Variants in SV2B observed in about 807,000 individuals in gnomAD.
SV2B encodes the protein solute carrier family 22 member B2.
A neutral mutation model predicts 73.9 loss-of-function variants in SV2B; 41 were observed. The ratio of observed to expected loss-of-function variants is 0.56; its 90% CI spans 0.43 to 0.72. The LOEUF (loss-of-function observed/expected upper bound fraction) is 0.72. SV2B is among the 30% of genes least tolerant of loss of function. The probability of loss-of-function intolerance (pLI) is 0.00; values close to 1 mark genes in which losing one functional copy is unlikely to be tolerated. For missense variants in SV2B, 764 were observed against 857.8 expected (o/e 0.89, Z 1.37); for synonymous variants, 314 against 314.2 (o/e 1.00, Z 0.01).
intron 1 of SV2B, among the ~76,000 whole-genome samples, chr15:91,187,328 T>C (rs2044811674): frequency 6.6e-6 from 1 of 152,250 alleles, no homozygotes; most frequent in African/African-American, 2.4e-5. Context: ...TAAATGTTTC[T>C]CAGTAAGAGA....
chr15:91,192,684 G>C (rs1390547295), intron 1 of SV2B, among the ~76,000 whole-genome samples: 1 of 152,192 alleles, frequency 6.6e-6, no homozygotes, highest in Admixed American at 6.5e-5. Flanking sequence ...GGGAAGGCAG[G>C]TGACATTTTC....
At chr15:91,151,239 A>G (rs2043305729) in intron 1 of SV2B, among the ~76,000 whole-genome samples, 2 of 152,266 alleles carry the variant, frequency 1.3e-5, no homozygotes, top group African/African-American at 4.8e-5. Flanking sequence ...ATCTGAAGAG[A>G]AAAACCATGT....
intron 1 of SV2B, among the ~76,000 whole-genome samples, chr15:91,182,436 G>C (rs566928947): frequency 1.3e-5 from 2 of 152,214 alleles, no homozygotes; most frequent in Non-Finnish European, 2.9e-5. Flanking sequence ...TCAAAATCTA[G>C]ATGTTCCTAT....
At chr15:91,225,718 C>T (rs751706981) in intron 1 of SV2B, among the ~76,000 whole-genome samples, 155 bp from the exon 2 acceptor site, 50 of 152,160 alleles carry the variant, frequency 3.3e-4, no homozygotes, top group Non-Finnish European at 4.4e-4. Flanking sequence ...ATTCAATCCT[C>T]ATTCAGTTGA....
intron 2 of SV2B, among the ~76,000 whole-genome samples, chr15:91,237,691 C>CTG (rs1323961614): frequency 6.6e-6 from 1 of 152,104 alleles, no homozygotes; most frequent in African/African-American, 2.4e-5. Flanking sequence ...AAGACAAAGA[C>CTG]TGTGTATCAG....
rs915374576 is a variant in SV2B at position 91,290,164 on chromosome 15, C to G, written c.1868+484C>G. On this transcript the variant is annotated intron_variant, in intron 12 of 12. Transcript: ENST00000394232. This position sits in a 1 kb window ranked among gnomAD's most constrained non-coding sequence, Gnocchi z 4.7. ...TGCACAGGTCGTATATGGGAAGAGG[C>G]CTTGTTTAAAGGCATAGGATCAAGG... Among the ~76,000 whole-genome samples, 4 of 152,006 alleles carry G rather than the reference C, an allele frequency of 2.6e-5. No individual in the cohort carries two copies. Among genetic ancestry groups the G allele is most frequent in the African/African-American group, 9.7e-5 (4 of 41,374 alleles).
At position 91,252,526 on chromosome 15, in the gene SV2B, T is replaced by C. The variant is rs767577243; in HGVS notation, c.784+6T>C. On this transcript the variant is annotated splice_donor_region_variant and intron_variant, in intron 4 of 12. Coordinates refer to ENST00000394232, the MANE Select transcript of SV2B (RefSeq NM_001323032.3). This position sits in a 1 kb window ranked among gnomAD's most constrained non-coding sequence, Gnocchi z 4.6. The stretch of plus-strand genomic sequence containing the variant: ...GAGCATCATCCCACACTATGGTGAG[T>C]CATGGCTCCAAACAGCCTAGGGGGC... 1 of 1,599,090 alleles carries C rather than the reference T, an allele frequency of 6.3e-7. No individual in the cohort carries two copies. Among genetic ancestry groups the C allele is most frequent in the Non-Finnish European group, 8.5e-7 (1 of 1,172,256 alleles).
At chr15:91,168,693 G>A (rs1021281032) in intron 1 of SV2B, among the ~76,000 whole-genome samples, 16 of 152,148 alleles carry the variant, frequency 1.1e-4, no homozygotes, top group South Asian at 4.2e-4. Context: ...ACTCACTGCT[G>A]TATTGGTTGT....
chr15:91,121,055 T>C lies in SV2B; in HGVS notation c.-392+20692T>C, dbSNP rs915207129. 4.6e-5 allele frequency among the ~76,000 whole-genome samples: 7 copies of C among 152,204 alleles called. No individual in the cohort carries two copies. Among genetic ancestry groups the C allele is most frequent in the African/African-American group, 1.7e-4 (7 of 41,448 alleles). On this transcript the variant is annotated intron_variant, in intron 1 of 12. Transcript: ENST00000394232. This position sits in a 1 kb window ranked among gnomAD's most constrained non-coding sequence, Gnocchi z 4.4. Reference sequence around the variant, plus strand: ...CCTCGCTTAAGATTTTTGCAAATTGTTTCCCATGGTTTAAGGTGGCAGAGA... The same window carrying C: ...CCTCGCTTAAGATTTTTGCAAATTGCTTCCCATGGTTTAAGGTGGCAGAGA...
chr15:91,182,418 C>T lies in SV2B; in HGVS notation c.-391-43455C>T, dbSNP rs12594981. The stretch of plus-strand genomic sequence containing the variant: ...ATGAATAACTAAAGAAAAGGTAGCT[C>T]AAAAAGCTCAAAATCTAGATGTTCC... On this transcript the variant is annotated intron_variant, in intron 1 of 12. Transcript: ENST00000394232. Among the ~76,000 whole-genome samples, 28 of 152,278 alleles carry T rather than the reference C, an allele frequency of 1.8e-4. No individual in the cohort carries two copies. The East Asian group carries it at 5.2e-3, about 28-fold the overall frequency.
intron 1 of SV2B, among the ~76,000 whole-genome samples, chr15:91,200,716 C>T (rs1046960338): frequency 1.3e-5 from 2 of 151,976 alleles, no homozygotes; most frequent in Admixed American, 6.6e-5. Flanking sequence ...TGATACCAGA[C>T]GGGGCAGCAT....
Position 91,117,074 on chromosome 15 carries a change from A to G in SV2B, c.-392+16711A>G, listed in dbSNP as rs375491597. On this transcript the variant is annotated intron_variant, in intron 1 of 12. Transcript: ENST00000394232. ...GTGGGGACACAGGCAAACGATATCAATAGTCACAATGGTTTTGAGCCTGAG... is the reference window on the plus strand; with the variant it reads ...GTGGGGACACAGGCAAACGATATCAGTAGTCACAATGGTTTTGAGCCTGAG... 2.0e-4 allele frequency among the ~76,000 whole-genome samples: 31 copies of G among 152,324 alleles called. No homozygotes were observed. In the East Asian group the frequency reaches 2.5e-3, roughly 12 times the overall value.
In SV2B at chr15:91,141,626, A is replaced by G. The variant is rs1031361291; in HGVS notation, c.-392+41263A>G. Among the ~76,000 whole-genome samples the G allele has an allele frequency of 2.6e-5, 4 of 152,194 alleles. No individual in the cohort carries two copies. The highest frequency in any genetic ancestry group is 9.7e-5 in the African/African-American group (4 of 41,442). ...TGTGAAGATTAAATGACAGAATATA[A>G]GTAAAATGCTTAGCCTATTGCCTGG... is the stretch of plus-strand genomic sequence containing the variant. On this transcript the variant is annotated intron_variant, in intron 1 of 12. Coordinates refer to ENST00000394232, the MANE Select transcript of SV2B (RefSeq NM_001323032.3). The surrounding 1 kb of genome is among the most constrained non-coding windows in gnomAD (Gnocchi z 4.6).
At chr15:91,135,078 C>T (rs911069882) in intron 1 of SV2B, among the ~76,000 whole-genome samples, 1 of 151,406 alleles carries the variant, frequency 6.6e-6, no homozygotes, top group African/African-American at 2.4e-5. Flanking sequence ...TTGCTCACTG[C>T]AGCCTAGACC....
At chr15:91,170,227 AC>A (rs1257012871) in intron 1 of SV2B, among the ~76,000 whole-genome samples, 4 of 152,078 alleles carry the variant, frequency 2.6e-5, no homozygotes, top group Non-Finnish European at 4.4e-5. Context: ...AAAGACAGAC[AC>A]CCGAATTTTT....
intron 1 of SV2B, among the ~76,000 whole-genome samples, chr15:91,159,392 C>G (rs1432555478): frequency 6.6e-6 from 1 of 152,158 alleles, no homozygotes; most frequent in Admixed American, 6.5e-5. Context: ...TTATTTTAAG[C>G]TTCACACAGT....
chr15:91,158,905 C>T (rs1295929112), intron 1 of SV2B, among the ~76,000 whole-genome samples: 2 of 151,476 alleles, frequency 1.3e-5, no homozygotes. Flanking sequence ...CTTTTCTAAC[C>T]AGTTTGCCCT....
intron 1 of SV2B, among the ~76,000 whole-genome samples, chr15:91,183,174 T>A (rs946587338): frequency 6.6e-6 from 1 of 152,182 alleles, no homozygotes; most frequent in African/African-American, 2.4e-5. Flanking sequence ...GAGTTGGCTT[T>A]TGAGTTGAGA....
chr15:91,166,535 T>C (rs924062489), intron 1 of SV2B, among the ~76,000 whole-genome samples: 1 of 151,984 alleles, frequency 6.6e-6, no homozygotes, highest in Admixed American at 6.6e-5. Flanking sequence ...TGTTAAAAAA[T>C]TTTTTCAGCA....
Sources: gnomAD v4.1 joint callset for allele counts (sites outside exome capture counted in the v4.1 genomes callset) on GRCh38, gnomAD v4.1.1 for gene constraint, Gnocchi (gnomAD v3.1) non-coding constraint, MANE v1.5 for transcripts, NCBI Gene and HGNC (gene_info 2026-07-23, HGNC 2026-07-21) for gene names.